LINGO1: variants seen among roughly 807,000 people sequenced by gnomAD.
LINGO1 encodes leucine-rich repeat and immunoglobulin-like domain-containing nogo receptor-interacting protein 1.
LINGO1 carries 11 observed loss-of-function variants against 37.3 expected under a neutral mutation model. The observed-to-expected ratio is 0.29, with a 90% CI of 0.19 to 0.49. The LOEUF (loss-of-function observed/expected upper bound fraction) is 0.49. Ranked by LOEUF, LINGO1 falls within the 20% of genes least tolerant of loss-of-function variation. The pLI is 0.99. For synonymous variants in LINGO1, 387 were observed against 403.0 expected (o/e 0.96, Z 0.48); for missense variants, 585 against 878.2 (o/e 0.67, Z 4.22).
Position 77,632,272 on chromosome 15 carries a change from C to A in LINGO1, c.6+38G>T. The A allele has an allele frequency of 7.2e-7, 1 of 1,394,202 alleles. No individual in the cohort carries two copies. Among genetic ancestry groups the A allele is most frequent in the South Asian group, 1.6e-5 (1 of 63,566 alleles). 86.4% of individuals were successfully genotyped at this position (1,394,202 alleles called of 1,614,324 possible). ...GCCCCCAGGGGCACTCGCCGCGGGG[C>A]TGCCCGCTCGGGGCTCGGCCGCGGC... is the stretch of plus-strand genomic sequence containing the variant. On this transcript the variant is annotated intron_variant, in intron 1 of 1. Transcript: ENST00000355300. The surrounding 1 kb of genome is among the most constrained non-coding windows in gnomAD (Gnocchi z 6.0).
chr15:77,754,419 A>G (rs896003823), intron 1 of LINGO1, among the ~76,000 whole-genome samples: 2 of 152,174 alleles, frequency 1.3e-5, no homozygotes, highest in African/African-American at 4.8e-5. Context: ...GCTTCTGAAT[A>G]ATTTCTCCGG....
chr15:77,797,134 C>T (rs959709003), intron 1 of LINGO1, among the ~76,000 whole-genome samples: 2 of 152,212 alleles, frequency 1.3e-5, no homozygotes, highest in African/African-American at 4.8e-5. Context: ...TGGTGCAGGA[C>T]ATAACCTCAG....
chr15:77,666,693 T>C (rs1173548647), intron 3 of LINGO1, among the ~76,000 whole-genome samples: 2 of 152,240 alleles, frequency 1.3e-5, no homozygotes, highest in African/African-American at 2.4e-5. Flanking sequence ...TTTCCTTCTC[T>C]ATAAAATGGA....
intron 1 of LINGO1, among the ~76,000 whole-genome samples, chr15:77,778,964 C>CA (rs1164482305): frequency 6.6e-6 from 1 of 152,024 alleles, no homozygotes. Context: ...TCTTACCACT[C>CA]ACGCCCACCG....
intron 1 of LINGO1, among the ~76,000 whole-genome samples, chr15:77,748,200 C>A (rs556947294): frequency 6.6e-6 from 1 of 152,374 alleles, no homozygotes; most frequent in South Asian, 2.1e-4. Flanking sequence ...CAGCACCACA[C>A]TCTCTGAGCT....
chr15:77,675,562 C>T (rs77773683), intron 3 of LINGO1, among the ~76,000 whole-genome samples: 204 of 152,084 alleles, frequency 1.3e-3, no homozygotes, highest in African/African-American at 4.8e-3. Context: ...TTTTAAAATA[C>T]GTTGATAAGT....
At chr15:77,696,578 A>ACCGCGGAGGGCCCC (rs2075697655), upstream of LINGO1, 1 of 152,398 alleles carries the variant, frequency 6.6e-6, no homozygotes, top group Non-Finnish European at 1.5e-5. Flanking sequence ...TGCTCTGCCC[A>ACCGCGGAGGGCCCC]CCGCGGAGGG....
chr15:77,803,362 C>T (rs923595357), intron 1 of LINGO1, among the ~76,000 whole-genome samples: 3 of 152,010 alleles, frequency 2.0e-5, no homozygotes, highest in African/African-American at 2.4e-5. Context: ...GTGGCAGGAT[C>T]GCTTGAGCCC....
chr15:77,816,662 G>A (rs1596256864), intron 1 of LINGO1, among the ~76,000 whole-genome samples: 1 of 152,286 alleles, frequency 6.6e-6, no homozygotes, highest in East Asian at 1.9e-4. Flanking sequence ...AGCCAGTAGG[G>A]GTGGGGAGCC....
At position 77,680,071 on chromosome 15, in the gene LINGO1, G is replaced by A. The variant is rs535111252; in HGVS notation, c.-98-2897C>T. On this transcript the variant is annotated intron_variant, in intron 2 of 3. Coordinates refer to the LINGO1 transcript ENST00000559893. ...AACGGGCTGTGAACAAAAGCGATGC[G>A]TGTCATTGATGAGCCAAAGCATTTC... 1.6e-4 allele frequency among the ~76,000 whole-genome samples: 25 copies of A among 152,312 alleles called. 1 individual carries two copies. The South Asian group carries it at 4.8e-3, about 29-fold the overall frequency.
rs1177322642 is a variant in LINGO1, at chr15:77,653,805, CTT to C, written c.-13+23282_-13+23283del. Among the ~76,000 whole-genome samples the C allele has an allele frequency of 1.2e-4, 18 of 144,766 alleles. No homozygotes were observed. In the East Asian group the frequency reaches 3.5e-3, roughly 28 times the overall value. The allele number at this position is 144,766 out of a possible 152,430, so 95.0% of individuals were successfully genotyped here. The stretch of plus-strand genomic sequence containing the variant: ...TCGGAAAGGAAGAGGGGTTGGATCT[CTT>C]TGGAGCTGGGGTGGAGGGGAAAAGA... On this transcript the variant is annotated intron_variant, in intron 3 of 3. Coordinates refer to the LINGO1 transcript ENST00000559893.
chr15:77,721,610 T>C (rs1044069426), intron 2 of LINGO1, among the ~76,000 whole-genome samples: 1 of 152,222 alleles, frequency 6.6e-6, no homozygotes, highest in African/African-American at 2.4e-5. Context: ...TTTATTTGTT[T>C]ACTATTGTAT....
intron 1 of LINGO1, among the ~76,000 whole-genome samples, chr15:77,803,416 C>T (rs1298055455): frequency 4.6e-5 from 7 of 151,858 alleles, no homozygotes. Context: ...CCGCTGCACT[C>T]CCTGGGTGAC....
intron 3 of LINGO1, among the ~76,000 whole-genome samples, chr15:77,657,941 G>GCA (rs146802720): frequency 6.6e-6 from 1 of 152,010 alleles, no homozygotes; most frequent in Non-Finnish European, 1.5e-5. Flanking sequence ...TTAAAAAACC[G>GCA]CACACACACA....
rs140706779 is a variant in LINGO1 at position 77,782,116 on chromosome 15, T to C, written c.-257+4753A>G. On this transcript the variant is annotated intron_variant, in intron 1 of 3. Coordinates refer to the LINGO1 transcript ENST00000561686. ...AAAATTATGTTCCCGTGCTCTATTATACAGAACAGAAGGAACATTTGGTGG... is the reference window on the plus strand; with the variant it reads ...AAAATTATGTTCCCGTGCTCTATTACACAGAACAGAAGGAACATTTGGTGG... 7.2e-3 allele frequency among the ~76,000 whole-genome samples: 1,100 copies of C among 152,360 alleles called. 5 individuals carry two copies. Among genetic ancestry groups the C allele is most frequent in the Non-Finnish European group, 0.011 (760 of 68,038 alleles).
chr15:77,768,333 G>C (rs1596207533), intron 1 of LINGO1, among the ~76,000 whole-genome samples: 1 of 152,216 alleles, frequency 6.6e-6, no homozygotes, highest in Non-Finnish European at 1.5e-5. Flanking sequence ...CTGAAGGTGG[G>C]AGTCTGCCCC....
chr15:77,712,469 G>A (rs1596143927), intron 2 of LINGO1, among the ~76,000 whole-genome samples: 1 of 152,170 alleles, frequency 6.6e-6, no homozygotes, highest in Non-Finnish European at 1.5e-5. Flanking sequence ...CCAACATCTT[G>A]GCACTTATAG....
intron 3 of LINGO1, among the ~76,000 whole-genome samples, chr15:77,645,198 G>A (rs2074597482): frequency 6.6e-6 from 1 of 152,158 alleles, no homozygotes; most frequent in Non-Finnish European, 1.5e-5. Context: ...GCGGTGCAGG[G>A]AGCAGTGCCC....
chr15:77,662,265 G>A (rs2075011212), intron 3 of LINGO1, among the ~76,000 whole-genome samples: 1 of 152,114 alleles, frequency 6.6e-6, no homozygotes, highest in South Asian at 2.1e-4. Context: ...ACCCCACCCT[G>A]CTCAGCTGCC....
Sources: allele counts gnomAD v4.1 joint callset (sites outside exome capture counted in the v4.1 genomes callset), GRCh38; gene constraint gnomAD v4.1.1; non-coding constraint Gnocchi (gnomAD v3.1); transcripts MANE v1.5; gene names NCBI Gene and HGNC (gene_info 2026-07-23, HGNC 2026-07-21).